TRIM52: variants seen among roughly 807,000 people sequenced by gnomAD.
The protein encoded by TRIM52 is E3 ubiquitin-protein ligase TRIM52.
Under a neutral mutation model 27.0 loss-of-function variants are expected in TRIM52, and 24 were observed. The ratio of observed to expected loss-of-function variants is 0.89; its 90% CI spans 0.64 to 1.25. The LOEUF (loss-of-function observed/expected upper bound fraction) is 1.25. TRIM52 is among the 50% of genes most tolerant of loss of function. The pLI is 0.00. For missense variants in TRIM52, 351 were observed against 354.7 expected (o/e 0.99, Z 0.08); for synonymous variants, 125 against 126.5 (o/e 0.99, Z 0.08).
At chr5:181,257,373 T>G in intron 1 of TRIM52, 1 of 1,566,558 alleles carries the variant, frequency 6.4e-7, no homozygotes, top group South Asian at 1.2e-5. Context: ...AATCATATCC[T>G]TAATGAACAC....
rs17658015 is a variant in TRIM52 at position 181,257,327 on chromosome 5, G to A, written c.814-468C>T. ...ACATTGACCTCAAAACAATAAAACT[G>A]TCCTGGTTATGCAATAGAAATAGCT... On this transcript the variant is annotated intron_variant, in intron 1 of 1. Coordinates refer to ENST00000688015, the MANE Select transcript of TRIM52 (RefSeq NM_001346048.2). 6.4e-3 allele frequency: 9,321 copies of A among 1,446,916 alleles called. 52 individuals are homozygous for A. The highest frequency in any genetic ancestry group is 0.018 in the Admixed American group (713 of 39,836). 89.6% of individuals were successfully genotyped at this position (1,446,916 alleles called of 1,614,324 possible). A position where few individuals can be genotyped will look rare whatever the true frequency, so the allele number is the denominator to read the frequency against.
At chr5:181,249,220 C>G (rs540907836), downstream of TRIM52, among the ~76,000 whole-genome samples, 27 of 152,290 alleles carry the variant, frequency 1.8e-4, no homozygotes, top group African/African-American at 5.8e-4. Flanking sequence ...AGATGCTGTA[C>G]AGGAAGGTCT....
chr5:181,259,768 ATAT>A lies in TRIM52; in HGVS notation c.813+230_813+232del, dbSNP rs749302207. 9 of 825,144 alleles carry A rather than the reference ATAT, an allele frequency of 1.1e-5. No individual in the cohort carries two copies. The Admixed American group carries it at 1.8e-4, about 16-fold the overall frequency. The allele number at this position is 825,144 out of a possible 1,614,324, so 51.1% of individuals were successfully genotyped here. ...TAGTGGTCCGCTTCCAGTGACCGTC[ATAT>A]TATCTGTTCAGCTTCCTCTGGGGAA... On this transcript the variant is annotated intron_variant, in intron 1 of 1. Transcript: ENST00000688015.
rs746363861 is a variant in TRIM52 at position 181,260,610 on chromosome 5, GTCC to G, written c.201_203del (p.Glu67del). ...CATCCATGGCCCCCACCGCTTCCTC[GTCC>G]TCCTCCTCCTCCCATTCATCTTCCT... On this transcript the variant is annotated inframe_deletion, in exon 1 of 2. Transcript: ENST00000688015. This position sits in a 1 kb window ranked among gnomAD's most constrained non-coding sequence, Gnocchi z 4.4. 34 of 1,613,066 alleles carry G rather than the reference GTCC, an allele frequency of 2.1e-5. No homozygotes were observed. Among genetic ancestry groups the G allele is most frequent in the Middle Eastern group, 1.6e-4 (1 of 6,062 alleles).
downstream of TRIM52, among the ~76,000 whole-genome samples, chr5:181,253,188 A>G (rs58039766): frequency 0.052 from 7,360 of 140,736 alleles, 2,097 homozygotes; most frequent in African/African-American, 0.21. Flanking sequence ...GGCATGCGCC[A>G]CCATGCCTGG....
rs920347697 is a variant in TRIM52, at chr5:181,256,045, T to C, written c.*764A>G. 5.3e-5 allele frequency: 8 copies of C among 152,240 alleles called. No individual in the cohort carries two copies. The highest frequency in any genetic ancestry group is 1.9e-4 in the African/African-American group (8 of 41,458). 9.4% of individuals were successfully genotyped at this position (152,240 alleles called of 1,614,324 possible). ...TCTATGCTGACAGCAAGGCTGAAGA[T>C]TTCCAGTAGGTTATGGGTAATCAGT... On this transcript the variant is annotated 3_prime_UTR_variant, in exon 2 of 2. Transcript: ENST00000688015.
chr5:181,257,478 G>T, intron 1 of TRIM52: 2 of 1,611,454 alleles, frequency 1.2e-6, no homozygotes, highest in Non-Finnish European at 1.7e-6. Context: ...CACCAGAGTT[G>T]TTTCCAACTT....
intron 1 of TRIM52, 68 bp from the exon 2 acceptor site, chr5:181,256,927 T>C (rs1260708921): frequency 3.0e-6 from 3 of 985,576 alleles, no homozygotes; most frequent in East Asian, 1.1e-4. Context: ...CATTTTTAGC[T>C]ACCTCAAAGG....
In TRIM52 at chr5:181,260,263, G is replaced by C. The variant is rs747223543; in HGVS notation, c.551C>G (p.Pro184Arg). Residue 184 changes from proline (P) to arginine (R), a missense_variant, in exon 1 of 2, where the codon CCC (proline) becomes CGC (arginine). Pro to Arg is a moderately radical substitution (Grantham distance 103). Coordinates refer to ENST00000688015, the MANE Select transcript of TRIM52 (RefSeq NM_001346048.2). This position sits in a 1 kb window ranked among gnomAD's most constrained non-coding sequence, Gnocchi z 4.4. ...SLPLPGQFTC[P>R]QCRKSFTRRS... ...ACGTGTAAAGCTCTTTCGGCACTGG[G>C]GGCAGGTGAACTGCCCTGGAAGGGG... 1 of 1,614,234 alleles carries C rather than the reference G, an allele frequency of 6.2e-7. No homozygotes were observed. The highest frequency in any genetic ancestry group is 8.5e-7 in the Non-Finnish European group (1 of 1,180,048).
At chr5:181,258,649 C>A (rs1193872638) in intron 1 of TRIM52, 1 of 152,096 alleles carries the variant, frequency 6.6e-6, no homozygotes, top group Non-Finnish European at 1.5e-5. Context: ...ATAATAATAT[C>A]TAATACATGA....
chr5:181,252,501 GA>G (rs1208593305), downstream of TRIM52, among the ~76,000 whole-genome samples: 4 of 152,360 alleles, frequency 2.6e-5, no homozygotes, highest in Middle Eastern at 3.4e-3. Flanking sequence ...CTATTAGCTT[GA>G]ATGTGGAGGA....
Position 181,260,260 on chromosome 5 carries a change from T to C in TRIM52, c.554A>G (p.Gln185Arg). 6.2e-7 allele frequency: 1 copy of C among 1,614,194 alleles called. No homozygotes were observed. The highest frequency in any genetic ancestry group is 8.5e-7 in the Non-Finnish European group (1 of 1,180,030). Residue 185 changes from glutamine to arginine, a missense_variant, in exon 1 of 2, where the codon CAG becomes CGG. Gln to Arg is a conservative substitution (Grantham distance 43). Transcript: ENST00000688015. The surrounding 1 kb of genome is among the most constrained non-coding windows in gnomAD (Gnocchi z 4.4). ...GCGACGTGTAAAGCTCTTTCGGCAC[T>C]GGGGGCAGGTGAACTGCCCTGGAAG... ...LPLPGQFTCP[Q>R]CRKSFTRRSF...
In TRIM52 at chr5:181,255,978, A is replaced by T. The variant is rs541385842; in HGVS notation, c.*831T>A. ...TGGAATGGCATTTAGATCTTCAAAA[A>T]GCAGGGCAAACTGGAATGGAATGTA... On this transcript the variant is annotated 3_prime_UTR_variant, in exon 2 of 2. Transcript: ENST00000688015. 6.6e-6 allele frequency: 1 copy of T among 152,384 alleles called. No individual in the cohort carries two copies. Among genetic ancestry groups the T allele is most frequent in the South Asian group, 2.1e-4 (1 of 4,828 alleles). 9.4% of individuals were successfully genotyped at this position (152,384 alleles called of 1,614,324 possible).
In TRIM52 at chr5:181,261,140, C is replaced by G. The variant is rs1760054839; in HGVS notation, c.-327G>C. 3.7e-6 allele frequency: 1 copy of G among 271,478 alleles called. No homozygotes were observed. The highest frequency in any genetic ancestry group is 4.8e-5 in the Admixed American group (1 of 20,660). The allele number at this position is 271,478 out of a possible 1,614,324, so 16.8% of individuals were successfully genotyped here. A position where few individuals can be genotyped will look rare whatever the true frequency, so the allele number is the denominator to read the frequency against. ...CAGCCGCTGGCTACCCTGCCCGAGG[C>G]GACGCAAAATGACGTCTCGCTCCTG... On this transcript the variant is annotated 5_prime_UTR_variant, in exon 1 of 2. Transcript: ENST00000688015.
intron 1 of TRIM52, chr5:181,259,734 T>C: frequency 1.7e-6 from 1 of 592,840 alleles, no homozygotes; most frequent in Non-Finnish European, 2.9e-6. Context: ...AGACTGCCAG[T>C]ATTAGCAGTA....
rs1473892875 is a variant in TRIM52, at chr5:181,260,868, C to T, written c.-55G>A. On this transcript the variant is annotated 5_prime_UTR_variant, in exon 1 of 2. Transcript: ENST00000688015. This position sits in a 1 kb window ranked among gnomAD's most constrained non-coding sequence, Gnocchi z 4.4. Reference sequence around the variant, plus strand: ...TCAGCTTGGAGCTGAGGAGCGGGGACGCGCCTGCAGGCCTGCCTCCAAACT... The same window carrying T: ...TCAGCTTGGAGCTGAGGAGCGGGGATGCGCCTGCAGGCCTGCCTCCAAACT... The T allele has an allele frequency of 3.3e-5, 51 of 1,526,000 alleles. No homozygotes were observed. Among genetic ancestry groups the T allele is most frequent in the Non-Finnish European group, 4.3e-5 (49 of 1,135,866 alleles). The allele number at this position is 1,526,000 out of a possible 1,614,324, so 94.5% of individuals were successfully genotyped here. A position where few individuals can be genotyped will look rare whatever the true frequency, so the allele number is the denominator to read the frequency against.
rs753918831 is a variant in TRIM52, at chr5:181,260,605, T to C, written c.209A>G (p.Glu70Gly). Residue 70 changes from glutamate to glycine, a missense_variant, in exon 1 of 2, where the codon GAA (glutamate) becomes GGA (glycine). By Grantham distance (98) the Glu-to-Gly change is moderately conservative. Coordinates refer to ENST00000688015, the MANE Select transcript of TRIM52 (RefSeq NM_001346048.2). The surrounding 1 kb of genome is among the most constrained non-coding windows in gnomAD (Gnocchi z 4.4). The stretch of plus-strand genomic sequence containing the variant: ...CCATCCATCCATGGCCCCCACCGCT[T>C]CCTCGTCCTCCTCCTCCTCCCATTC... ...EDEWEEEEDEEAVGAMDGWDG... is the reference protein window; with the variant it reads ...EDEWEEEEDEGAVGAMDGWDG... The C allele has an allele frequency of 4.3e-6, 7 of 1,613,744 alleles. No individual in the cohort carries two copies. The highest frequency in any genetic ancestry group is 2.7e-5 in the African/African-American group (2 of 74,802).
intron 1 of TRIM52, chr5:181,257,158 A>C: frequency 8.7e-7 from 1 of 1,153,960 alleles, no homozygotes; most frequent in Non-Finnish European, 1.1e-6. Flanking sequence ...AATCTAAATG[A>C]TCTTACTTTC....
rs1047644814 is a variant in TRIM52, at chr5:181,255,807, ACT to A, written c.*1000_*1001del. ...GTATTTTAAGCTTCAGTGTGTTAAA[ACT>A]CTGTTGAAAATTTTAACTTTTGAAA... On this transcript the variant is annotated 3_prime_UTR_variant, in exon 2 of 2. Coordinates refer to ENST00000688015, the MANE Select transcript of TRIM52 (RefSeq NM_001346048.2). 4 of 152,040 alleles carry A rather than the reference ACT, an allele frequency of 2.6e-5. No individual in the cohort carries two copies. The highest frequency in any genetic ancestry group is 9.7e-5 in the African/African-American group (4 of 41,400). 9.4% of individuals were successfully genotyped at this position (152,040 alleles called of 1,614,324 possible).
Sources: allele counts gnomAD v4.1 joint callset (sites outside exome capture counted in the v4.1 genomes callset), GRCh38; gene constraint gnomAD v4.1.1; non-coding constraint Gnocchi (gnomAD v3.1); transcripts MANE v1.5; gene names NCBI Gene and HGNC (gene_info 2026-07-23, HGNC 2026-07-21).